Variants in DNAI4 observed in about 807,000 individuals in gnomAD.
DNAI4 encodes dynein axonemal intermediate chain 4.
Under a neutral mutation model 105.8 loss-of-function variants are expected in DNAI4, and 85 were observed. That is an observed-to-expected ratio of 0.80 (90% CI 0.67 to 0.96). The LOEUF is 0.96. Among genes scored for constraint, DNAI4 ranks in the 40% least tolerant of loss-of-function variants. The probability of loss-of-function intolerance (pLI) is 0.00; values close to 1 mark genes in which losing one functional copy is unlikely to be tolerated. For synonymous variants in DNAI4, 352 were observed against 331.5 expected (o/e 1.06, Z -0.67); for missense variants, 1,014 against 1,005.6 (o/e 1.01, Z -0.11).
rs781619164 is a variant in DNAI4 at position 66,826,945 on chromosome 1, C to T, written c.2214G>A (p.Lys738=). Residue 738 remains lysine (K), a synonymous_variant, in exon 15 of 17, where the codon AAG becomes AAA. Coordinates refer to ENST00000371026, the MANE Select transcript of DNAI4 (RefSeq NM_024763.5). ...TAGCTGGATAAAAACTCAAAGATGG[C>T]TTGACATTCTCCTGTTGCCATATAA... ...GVIIWQQENV[K]PSLSFYPATS... The T allele has an allele frequency of 1.2e-6, 2 of 1,614,104 alleles. No individual in the cohort carries two copies. Among genetic ancestry groups the T allele is most frequent in the East Asian group, 2.2e-5 (1 of 44,860 alleles).
chr1:66,850,429 C>CA (rs969774005), intron 7 of DNAI4, among the ~76,000 whole-genome samples: 1,538 of 134,696 alleles, frequency 0.011, 12 homozygotes, highest in Middle Eastern at 0.038. Context: ...GAATTTGTCT[C>CA]AAAAAAAAAA....
rs1647536555 is a variant in DNAI4, at chr1:66,890,713, G to A, written c.643+441C>T. The stretch of plus-strand genomic sequence containing the variant: ...AGGAAGAAGAAGAAGGAGAGGAGGG[G>A]GAGGAGGAGGAGGGAGAGGAAGAGG... On this transcript the variant is annotated intron_variant, in intron 4 of 16. Transcript: ENST00000371026. This position sits in a 1 kb window ranked among gnomAD's most constrained non-coding sequence, Gnocchi z 4.1. The A allele has an allele frequency of 4.7e-6, 1 of 212,656 alleles. No individual in the cohort carries two copies. The highest frequency in any genetic ancestry group is 5.9e-5 in the Admixed American group (1 of 17,070). The allele number at this position is 212,656 out of a possible 1,614,324, so 13.2% of individuals were successfully genotyped here.
chr1:66,891,584 C>A (rs1032727565), intron 3 of DNAI4, among the ~76,000 whole-genome samples: 2 of 152,202 alleles, frequency 1.3e-5, no homozygotes, highest in Non-Finnish European at 2.9e-5. Flanking sequence ...GCCTCAGCCT[C>A]CTGAGTGGCT....
intron 15 of DNAI4, among the ~76,000 whole-genome samples, chr1:66,823,019 T>C (rs1194629398): frequency 6.6e-6 from 1 of 152,104 alleles, no homozygotes; most frequent in African/African-American, 2.4e-5. Context: ...TAACTCGTCA[T>C]CTAGCATTAA....
chr1:66,832,390 G>C (rs1557903174), intron 13 of DNAI4, among the ~76,000 whole-genome samples: 1 of 152,168 alleles, frequency 6.6e-6, no homozygotes, highest in Non-Finnish European at 1.5e-5. Flanking sequence ...CCAAAGAGAT[G>C]ATCATATTAC....
At chr1:66,914,071 A>G (rs1649881356) in intron 1 of DNAI4, among the ~76,000 whole-genome samples, 1 of 152,016 alleles carries the variant, frequency 6.6e-6, no homozygotes, top group Non-Finnish European at 1.5e-5. Flanking sequence ...AATCCACCAC[A>G]CAAAAACCCC....
At chr1:66,886,053 C>T (rs1455464866) in intron 4 of DNAI4, among the ~76,000 whole-genome samples, 1 of 152,050 alleles carries the variant, frequency 6.6e-6, no homozygotes, top group African/African-American at 2.4e-5. Context: ...TTTTTCTCTT[C>T]GCATTTTAGT....
chr1:66,884,971 T>A (rs181478651), intron 4 of DNAI4, among the ~76,000 whole-genome samples: 1 of 152,346 alleles, frequency 6.6e-6, no homozygotes, highest in African/African-American at 2.4e-5. Flanking sequence ...CATATGCATT[T>A]GGTGTTATAA....
intron 8 of DNAI4, 48 bp downstream of exon 8, chr1:66,847,436 G>T: frequency 6.5e-7 from 1 of 1,547,130 alleles, no homozygotes; most frequent in Non-Finnish European, 8.8e-7. Flanking sequence ...GGGATTATAA[G>T]CATAAGCAAC....
At chr1:66,910,587 A>T (rs1458671363) in intron 1 of DNAI4, among the ~76,000 whole-genome samples, 1 of 152,234 alleles carries the variant, frequency 6.6e-6, no homozygotes, top group Admixed American at 6.5e-5. Context: ...CCATGGCCAA[A>T]TGCCAGAACA....
chr1:66,822,464 A>G lies in DNAI4; in HGVS notation c.2393T>C (p.Ile798Thr), dbSNP rs771028851. Residue 798 changes from isoleucine (I) to threonine (T), a missense_variant, in exon 16 of 17, where the codon ATT (isoleucine) becomes ACT (threonine). Coordinates refer to ENST00000371026, the MANE Select transcript of DNAI4 (RefSeq NM_024763.5). ...TANPGIKFTT[I>T]LFAKQTDCLL... is the part of the protein sequence containing the mutation. ...GCAATCTGTTTGTTTGGCAAAGAGA[A>G]TGGTTGTGAACTTGATTCCAGGGTT... is the stretch of plus-strand genomic sequence containing the variant. The G allele has an allele frequency of 1.2e-6, 2 of 1,613,062 alleles. No individual in the cohort carries two copies. The highest frequency in any genetic ancestry group is 2.2e-5 in the South Asian group (2 of 90,946).
chr1:66,890,785 GGAA>G lies in DNAI4; in HGVS notation c.643+366_643+368del, dbSNP rs1239794002. 1.6e-4 allele frequency: 46 copies of G among 280,592 alleles called. No homozygotes were observed. The highest frequency in any genetic ancestry group is 7.8e-4 in the Admixed American group (15 of 19,250). 17.4% of individuals were successfully genotyped at this position (280,592 alleles called of 1,614,324 possible). ...AGGAAGAGGAAGAAGAGGAAGAGGA[GGAA>G]GAAGAAGTGAGGAAGAAGAGGAAAA... On this transcript the variant is annotated intron_variant, in intron 4 of 16. Transcript: ENST00000371026. The surrounding 1 kb of genome is among the most constrained non-coding windows in gnomAD (Gnocchi z 4.1).
chr1:66,907,676 T>C (rs953503581), intron 1 of DNAI4, among the ~76,000 whole-genome samples: 4 of 152,204 alleles, frequency 2.6e-5, no homozygotes, highest in Non-Finnish European at 5.9e-5. Context: ...CTATCTCTAA[T>C]AGCTACTTCT....
Position 66,840,536 on chromosome 1 carries a change from C to G in DNAI4, c.1427G>C (p.Trp476Ser). 6.2e-7 allele frequency: 1 copy of G among 1,614,178 alleles called. No homozygotes were observed. The highest frequency in any genetic ancestry group is 8.5e-7 in the Non-Finnish European group (1 of 1,180,034). ...TTTGGTTAAGTCACAGGAAAAAGACCAAAGTCGTTCCAAGTTGGCGGGTAT... is the reference window on the plus strand; with the variant it reads ...TTTGGTTAAGTCACAGGAAAAAGACGAAAGTCGTTCCAAGTTGGCGGGTAT... ...STIPANLERL[W>S]SFSCDLTKGL... The change falls in exon 9 of 17, where the codon TGG becomes TCG. Residue 476 changes from tryptophan to serine, a missense_variant. Trp to Ser is a radical substitution (Grantham distance 177). Transcript: ENST00000371026.
chr1:66,893,065 G>GAA (rs1553227648), intron 3 of DNAI4, among the ~76,000 whole-genome samples, 164 bp downstream of exon 3: 2 of 85,556 alleles, frequency 2.3e-5, no homozygotes, highest in East Asian at 3.3e-4. Flanking sequence ...GAGAGAGAGA[G>GAA]AAAGAAAGAA....
intron 3 of DNAI4, 118 bp downstream of exon 3, chr1:66,893,111 A>AAG: frequency 2.0e-6 from 1 of 496,778 alleles, no homozygotes; most frequent in Non-Finnish European, 3.3e-6. Context: ...GAAAGAAAGA[A>AAG]AGAAAGAAAG....
intron 2 of DNAI4, among the ~76,000 whole-genome samples, chr1:66,904,609 C>T (rs1925411): frequency 0.79 from 119,922 of 152,022 alleles, 47,738 homozygotes; most frequent in East Asian, 0.88. Flanking sequence ...GTAAATAATT[C>T]TCCCCATTGT....
chr1:66,858,466 G>C (rs1051410607), intron 7 of DNAI4, among the ~76,000 whole-genome samples: 14 of 149,514 alleles, frequency 9.4e-5, no homozygotes, highest in Non-Finnish European at 1.9e-4. Context: ...CCAGGAGGCC[G>C]GGCTTGCAGT....
chr1:66,865,925 C>T (rs920861529), intron 6 of DNAI4, among the ~76,000 whole-genome samples: 3 of 152,170 alleles, frequency 2.0e-5, no homozygotes, highest in African/African-American at 7.2e-5. Flanking sequence ...TGACAGTATA[C>T]ATACAGTCAC....
Sources: allele counts gnomAD v4.1 joint callset (sites outside exome capture counted in the v4.1 genomes callset), GRCh38; gene constraint gnomAD v4.1.1; non-coding constraint Gnocchi (gnomAD v3.1); transcripts MANE v1.5; gene names NCBI Gene and HGNC (gene_info 2026-07-23, HGNC 2026-07-21).